KIF1B: variants seen among roughly 807,000 people sequenced by gnomAD.
KIF1B encodes kinesin-like protein KIF1B.
In KIF1B, 76 loss-of-function variants were observed where a neutral mutation model predicts 241.9. That is an observed-to-expected ratio of 0.31 (90% CI 0.26 to 0.38). The LOEUF is 0.38. Among genes scored for constraint, KIF1B ranks in the 10% least tolerant of loss-of-function variants. The pLI, the probability that KIF1B is intolerant of heterozygous loss-of-function variation, is 1.00. For missense variants in KIF1B, 1,622 were observed against 2,271.4 expected, an observed-to-expected ratio of 0.71 and a Z score of 5.81; for synonymous variants, 750 against 796.7, an observed-to-expected ratio of 0.94 and a Z score of 0.99.
Position 10,345,787 on chromosome 1 carries a change from G to A in KIF1B, c.3689-58G>A. 11 of 1,237,568 alleles carry A rather than the reference G, an allele frequency of 8.9e-6. No homozygotes were observed. In the South Asian group the frequency reaches 1.4e-4, roughly 15 times the overall value. 76.7% of individuals were successfully genotyped at this position (1,237,568 alleles called of 1,614,324 possible). A position where few individuals can be genotyped will look rare whatever the true frequency, so the allele number is the denominator to read the frequency against. Reference sequence around the variant, plus strand: ...TTAAAGACTGACATTAGAGAAGCTTGTATTTTTGCTGAGTAGTCTTGGACC... The same window carrying A: ...TTAAAGACTGACATTAGAGAAGCTTATATTTTTGCTGAGTAGTCTTGGACC... On this transcript the variant is annotated intron_variant, in intron 34 of 48. Transcript: ENST00000676179.
chr1:10,282,681 A>G, intron 15 of KIF1B, 148 bp downstream of exon 15: 1 of 743,226 alleles, frequency 1.3e-6, no homozygotes, highest in East Asian at 2.7e-5. Context: ...TGTGCTTTGT[A>G]AGTTAATTTC....
At position 10,347,758 on chromosome 1, in the gene KIF1B, T is replaced by C. The variant is rs1652638541; in HGVS notation, c.3798-3T>C. On this transcript the variant is annotated splice_polypyrimidine_tract_variant and splice_region_variant and intron_variant, in intron 35 of 48. Transcript: ENST00000676179. ...TTTTTTCTTTTGCGTTTCTATTTTT[T>C]AGGTATATCCCAGCTGTGGTTGACC... 1.2e-6 allele frequency: 2 copies of C among 1,612,574 alleles called. No individual in the cohort carries two copies. Among genetic ancestry groups the C allele is most frequent in the Non-Finnish European group, 1.7e-6 (2 of 1,178,800 alleles).
rs866681681 is a variant in KIF1B, at chr1:10,289,756, C to T, written c.1435-1326C>T. On this transcript the variant is annotated intron_variant, in intron 15 of 48. Coordinates refer to ENST00000676179, the MANE Select transcript of KIF1B (RefSeq NM_001365951.3). ...AAAACTTGCCGGACATAGTGGTGTG[C>T]ACCTGCAGTGCCAGCTACTCAGGAG... Among the ~76,000 whole-genome samples, 3 of 152,136 alleles carry T rather than the reference C, an allele frequency of 2.0e-5. No homozygotes were observed. In the South Asian group the frequency reaches 6.2e-4, roughly 31 times the overall value.
chr1:10,347,975 T>C, intron 36 of KIF1B, 148 bp downstream of exon 36: 1 of 663,256 alleles, frequency 1.5e-6, no homozygotes, highest in Non-Finnish European at 2.7e-6. Flanking sequence ...TTTTTTTCTG[T>C]GTCTGTCTGT....
intron 15 of KIF1B, among the ~76,000 whole-genome samples, chr1:10,289,007 A>G (rs1649854022): frequency 6.6e-6 from 1 of 152,218 alleles, no homozygotes; most frequent in Admixed American, 6.5e-5. Flanking sequence ...CTGTTATCAT[A>G]TGAATCATAC....
At chr1:10,367,535 TA>T (rs759696667) in intron 43 of KIF1B, among the ~76,000 whole-genome samples, 14 of 135,094 alleles carry the variant, frequency 1.0e-4, no homozygotes, top group Non-Finnish European at 1.9e-4. Context: ...TTATCTTTAT[TA>T]AATTTTTTTT....
In KIF1B at chr1:10,378,437, C is replaced by T. The variant is rs996526410; in HGVS notation, c.*1850C>T. On this transcript the variant is annotated 3_prime_UTR_variant, in exon 49 of 49. Coordinates refer to ENST00000676179, the MANE Select transcript of KIF1B (RefSeq NM_001365951.3). ...GATGAGAGGGGAAAAAGAAAGCCTC[C>T]AGTGACTTCAGTTGCTTTGCCAGTT... 3 of 717,816 alleles carry T rather than the reference C, an allele frequency of 4.2e-6. No individual in the cohort carries two copies. Among genetic ancestry groups the T allele is most frequent in the Non-Finnish European group, 7.8e-6 (3 of 385,168 alleles). The allele number at this position is 717,816 out of a possible 1,614,324, so 44.5% of individuals were successfully genotyped here.
intron 34 of KIF1B, 133 bp downstream of exon 34, chr1:10,343,420 G>T: frequency 1.1e-6 from 1 of 880,746 alleles, no homozygotes. Context: ...TGCTCCTCTT[G>T]TATGTATCTA....
At position 10,365,607 on chromosome 1, in the gene KIF1B, A is replaced by G. The variant is rs766977555; in HGVS notation, c.4711A>G (p.Ile1571Val). 2 of 1,614,158 alleles carry G rather than the reference A, an allele frequency of 1.2e-6. No individual in the cohort carries two copies. Among genetic ancestry groups the G allele is most frequent in the South Asian group, 1.1e-5 (1 of 91,072 alleles). Residue 1571 changes from isoleucine to valine, a missense_variant, in exon 43 of 49, where the codon ATC becomes GTC. By Grantham distance (29) the Ile-to-Val change is conservative. Coordinates refer to ENST00000676179, the MANE Select transcript of KIF1B (RefSeq NM_001365951.3). The surrounding 1 kb of genome is among the most constrained non-coding windows in gnomAD (Gnocchi z 4.0). ...GAGCAGTGGCTATGATTCAGGAGAC[A>G]TCGAAAGCCTGGTGGACCGAGAGAA... ...SESSGYDSGD[I>V]ESLVDREKEL...
intron 28 of KIF1B, 93 bp downstream of exon 28, chr1:10,334,731 A>G: frequency 1.1e-6 from 1 of 950,326 alleles, no homozygotes; most frequent in Non-Finnish European, 1.7e-6. Context: ...TATTACACAT[A>G]CAAACTGTGG....
At chr1:10,276,770 G>T (rs994053647) in intron 12 of KIF1B, among the ~76,000 whole-genome samples, 2 of 152,132 alleles carry the variant, frequency 1.3e-5, no homozygotes, top group Non-Finnish European at 2.9e-5. Context: ...CCTTCTTGTA[G>T]TGTTTGTCGT....
intron 1 of KIF1B, among the ~76,000 whole-genome samples, chr1:10,223,380 CTA>C (rs2102107323): frequency 6.6e-6 from 1 of 152,250 alleles, no homozygotes; most frequent in East Asian, 1.9e-4. Context: ...AGTTTTGAAA[CTA>C]AGTCTTTGAT....
At chr1:10,370,359 C>T (rs770651169) in intron 44 of KIF1B, among the ~76,000 whole-genome samples, 8 of 151,948 alleles carry the variant, frequency 5.3e-5, no homozygotes, top group Non-Finnish European at 8.8e-5. Context: ...GCCAAGAGTT[C>T]AAGACGAGCC....
intron 14 of KIF1B, among the ~76,000 whole-genome samples, chr1:10,280,251 T>C (rs1649339377): frequency 6.6e-6 from 1 of 152,108 alleles, no homozygotes; most frequent in Non-Finnish European, 1.5e-5. Flanking sequence ...TCTTTTCTTT[T>C]TTGAGATGGA....
chr1:10,238,042 T>C (rs1000602172), intron 2 of KIF1B, among the ~76,000 whole-genome samples: 2 of 151,702 alleles, frequency 1.3e-5, no homozygotes, highest in African/African-American at 4.8e-5. Context: ...AAATTTGGGA[T>C]GGAGGAAGGG....
At chr1:10,339,998 GGT>G in intron 32 of KIF1B, 139 bp downstream of exon 32, 1 of 759,362 alleles carries the variant, frequency 1.3e-6, no homozygotes. Context: ...TGGCTAGAGT[GGT>G]GAGGTCATCC....
At chr1:10,258,437 A>C in intron 3 of KIF1B, 56 bp from the exon 4 acceptor site, 2 of 1,545,292 alleles carry the variant, frequency 1.3e-6, no homozygotes, top group East Asian at 4.5e-5. Flanking sequence ...CAATCAAGTA[A>C]GTATAGGAAG....
intron 5 of KIF1B, among the ~76,000 whole-genome samples, chr1:10,264,516 C>G (rs887416143): frequency 1.3e-5 from 2 of 152,142 alleles, no homozygotes; most frequent in African/African-American, 4.8e-5. Flanking sequence ...GTAATATATT[C>G]CGGGGATTCA....
intron 22 of KIF1B, among the ~76,000 whole-genome samples, chr1:10,300,191 C>G (rs544997592): frequency 6.6e-6 from 1 of 150,464 alleles, no homozygotes; most frequent in African/African-American, 2.4e-5. Flanking sequence ...GAGCCAAGAT[C>G]GCGCAACTGC....
Sources: allele counts gnomAD v4.1 joint callset (sites outside exome capture counted in the v4.1 genomes callset), GRCh38; gene constraint gnomAD v4.1.1; non-coding constraint Gnocchi (gnomAD v3.1); transcripts MANE v1.5; gene names NCBI Gene and HGNC (gene_info 2026-07-23, HGNC 2026-07-21).